The following ADAMTSL2 variants were observed in gnomAD, a reference collection of about 807,000 sequenced individuals.
ADAMTSL2 encodes the protein ADAMTS like 2, also known as ADAMTS-like protein 2.
ADAMTSL2 carries 55 observed loss-of-function variants against 117.0 expected under a neutral mutation model. The ratio of observed to expected loss-of-function variants is 0.47; its 90% CI spans 0.38 to 0.59. The LOEUF (loss-of-function observed/expected upper bound fraction) is 0.59. Among genes scored for constraint, ADAMTSL2 ranks in the 20% least tolerant of loss-of-function variants. The pLI is 0.00. For missense variants in ADAMTSL2, 1,182 were observed against 1,354.5 expected, an observed-to-expected ratio of 0.87 and a Z score of 2.00; for synonymous variants, 572 against 566.4, an observed-to-expected ratio of 1.01 and a Z score of -0.14.
intron 18 of ADAMTSL2, 84 bp downstream of exon 18, chr9:133,574,071 A>T: frequency 1.3e-6 from 2 of 1,502,370 alleles, no homozygotes; most frequent in Non-Finnish European, 1.8e-6. Context: ...GTGAGCAGAC[A>T]TTGCTCACCT....
At chr9:133,540,009 A>AC in intron 5 of ADAMTSL2, 136 bp downstream of exon 5, 1 of 823,932 alleles carries the variant, frequency 1.2e-6, no homozygotes, top group African/African-American at 1.7e-5. Flanking sequence ...CCAGGAATGA[A>AC]CCTGGGTCTC....
chr9:133,536,517 T>C (rs1294011141), intron 1 of ADAMTSL2, 46 bp from the exon 2 acceptor site: 3 of 1,504,316 alleles, frequency 2.0e-6, no homozygotes, highest in Non-Finnish European at 2.7e-6. Context: ...CCAAGCTCCT[T>C]CTTGCTAAGC....
At chr9:133,556,076 G>A (rs988458221) in intron 11 of ADAMTSL2, 146 bp downstream of exon 11, 20 of 1,122,306 alleles carry the variant, frequency 1.8e-5, no homozygotes, top group Admixed American at 2.8e-5. Context: ...CCTTCTTCCC[G>A]GGGTTCTCCA....
At chr9:133,538,312 C>T in intron 3 of ADAMTSL2, 37 bp from the exon 4 acceptor site, 1 of 1,611,358 alleles carries the variant, frequency 6.2e-7, no homozygotes, top group East Asian at 2.2e-5. Flanking sequence ...TGAAACTCCT[C>T]TGCAGCCCTC....
chr9:133,554,524 C>T lies in ADAMTSL2; in HGVS notation c.1107C>T (p.Ser369=), dbSNP rs1242190488. Reference sequence around the variant, plus strand: ...TGGGCTTCGTCCCGCACAACGGCTCCCTCTACGGCCAGGCCTCCTCAGAGC... The same window carrying T: ...TGGGCTTCGTCCCGCACAACGGCTCTCTCTACGGCCAGGCCTCCTCAGAGC... ...GLMGFVPHNG[S]LYGQASSERL... is the part of the protein sequence containing the mutation. The change falls in exon 10 of 19, where the codon TCC becomes TCT. Residue 369 remains serine, a synonymous_variant. Coordinates refer to ENST00000651351, the MANE Select transcript of ADAMTSL2 (RefSeq NM_014694.4). This position sits in a 1 kb window ranked among gnomAD's most constrained non-coding sequence, Gnocchi z 5.2. 2 of 1,549,644 alleles carry T rather than the reference C, an allele frequency of 1.3e-6. No homozygotes were observed. Among genetic ancestry groups the T allele is most frequent in the Non-Finnish European group, 1.7e-6 (2 of 1,147,198 alleles).
At position 133,534,875 on chromosome 9, in the gene ADAMTSL2, T is replaced by C; in HGVS notation, c.-193T>C. ...TGGCGCCGTCTGCCCTCCGCAGCGC[T>C]CGCCCCTTTCTCTGGGAGGACAACC... On this transcript the variant is annotated 5_prime_UTR_variant, in exon 1 of 19. Transcript: ENST00000651351. 6.8e-7 allele frequency: 1 copy of C among 1,469,664 alleles called. No homozygotes were observed. Among genetic ancestry groups the C allele is most frequent in the Non-Finnish European group, 9.0e-7 (1 of 1,105,008 alleles). 91.0% of individuals were successfully genotyped at this position (1,469,664 alleles called of 1,614,324 possible).
chr9:133,570,161 TG>T (rs779724884), intron 16 of ADAMTSL2, among the ~76,000 whole-genome samples, 169 bp from the exon 17 acceptor site: 1 of 152,258 alleles, frequency 6.6e-6, no homozygotes, highest in Non-Finnish European at 1.5e-5. Context: ...CAAATCCATC[TG>T]GGGCCAAATG....
intron 12 of ADAMTSL2, among the ~76,000 whole-genome samples, chr9:133,565,519 C>T (rs1443349641): frequency 6.6e-6 from 1 of 152,200 alleles, no homozygotes; most frequent in African/African-American, 2.4e-5. Context: ...CAGACCTGGC[C>T]GGGAAGCCAG....
intron 7 of ADAMTSL2, among the ~76,000 whole-genome samples, chr9:133,543,539 C>T (rs1318164696): frequency 6.6e-6 from 1 of 152,170 alleles, no homozygotes. Flanking sequence ...TTCCAGAGCA[C>T]GGCTGTCTGT....
intron 13 of ADAMTSL2, among the ~76,000 whole-genome samples, chr9:133,568,035 C>T (rs745391202): frequency 0.013 from 2,029 of 152,350 alleles, 170 homozygotes; most frequent in Admixed American, 0.12. Flanking sequence ...GCCGAGCCCA[C>T]GCTCAGGGCA....
rs1273675920 is a variant in ADAMTSL2 at position 133,554,299 on chromosome 9, G to T, written c.940-58G>T. ...CTGCAGCTCTGTGGGAAGGGGATTG[G>T]TGGGGAAGGGGCTGGACAGAGTAAG... On this transcript the variant is annotated intron_variant, in intron 9 of 18. Transcript: ENST00000651351. This position sits in a 1 kb window ranked among gnomAD's most constrained non-coding sequence, Gnocchi z 5.2. 6.9e-7 allele frequency: 1 copy of T among 1,445,318 alleles called. No individual in the cohort carries two copies. The highest frequency in any genetic ancestry group is 9.3e-7 in the Non-Finnish European group (1 of 1,072,778). 89.5% of individuals were successfully genotyped at this position (1,445,318 alleles called of 1,614,324 possible).
chr9:133,539,660 T>TCCCGGCTGTCCCGGCTGC, intron 4 of ADAMTSL2, 111 bp from the exon 5 acceptor site: 1 of 1,043,220 alleles, frequency 9.6e-7, no homozygotes, highest in Non-Finnish European at 1.4e-6. Flanking sequence ...CGCACGGCTG[T>TCCCGGCTGTCCCGGCTGC]CCCGGCTGTC....
At chr9:133,533,135 A>G (rs114520483), upstream of ADAMTSL2, among the ~76,000 whole-genome samples, 1,357 of 150,388 alleles carry the variant, frequency 9.0e-3, 26 homozygotes, top group African/African-American at 0.031. Context: ...TAATCCGGTC[A>G]TGTGAGAGGG....
chr9:133,562,687 G>A (rs185656911), intron 12 of ADAMTSL2, among the ~76,000 whole-genome samples: 32 of 131,828 alleles, frequency 2.4e-4, no homozygotes, highest in East Asian at 8.4e-4. Context: ...TCGCACCGCC[G>A]TGGGCGGCGT....
In ADAMTSL2 at chr9:133,558,048, A is replaced by G. The variant is rs1407477530; in HGVS notation, c.1649+2118A>G. ...TCATGGCACAAGCTTACGGATCCTC[A>G]AGCCGCTTTGTAAAGAGTCTCTCCT... On this transcript the variant is annotated intron_variant, in intron 11 of 18. Transcript: ENST00000651351. This position sits in a 1 kb window ranked among gnomAD's most constrained non-coding sequence, Gnocchi z 4.3. Among the ~76,000 whole-genome samples the G allele has an allele frequency of 2.6e-5, 4 of 152,070 alleles. No individual in the cohort carries two copies. Among genetic ancestry groups the G allele is most frequent in the Admixed American group, 2.0e-4 (3 of 15,276 alleles).
intron 13 of ADAMTSL2, 47 bp from the exon 14 acceptor site, chr9:133,568,226 C>T (rs915728578): frequency 1.2e-5 from 18 of 1,533,720 alleles, no homozygotes; most frequent in Admixed American, 7.8e-5. Context: ...CATGGGGTCC[C>T]GGCTGCCATG....
upstream of ADAMTSL2, chr9:133,534,595 T>C (rs1443612520): frequency 3.3e-6 from 4 of 1,219,800 alleles, no homozygotes; most frequent in African/African-American, 3.2e-5. Context: ...CGGGTTAAAG[T>C]GTGCGCCAGG....
chr9:133,565,749 A>G (rs937428246), intron 12 of ADAMTSL2, among the ~76,000 whole-genome samples: 2 of 152,088 alleles, frequency 1.3e-5, no homozygotes, highest in East Asian at 3.9e-4. Flanking sequence ...GATATGGGGA[A>G]ACCGATTTCC....
rs1831053820 is a variant in ADAMTSL2, at chr9:133,569,438, A to G, written c.2275A>G (p.Ile759Val). The G allele has an allele frequency of 1.2e-6, 2 of 1,613,552 alleles. No individual in the cohort carries two copies. Among genetic ancestry groups the G allele is most frequent in the Non-Finnish European group, 1.7e-6 (2 of 1,180,022 alleles). Residue 759 changes from isoleucine to valine, a missense_variant, in exon 16 of 19, where the codon ATC (isoleucine) becomes GTC (valine). Around this residue, in one of 3 missense-constraint regions of ADAMTSL2, gnomAD observed 465 missense variants for 565.3 expected, o/e 0.82. Coordinates refer to ENST00000651351, the MANE Select transcript of ADAMTSL2 (RefSeq NM_014694.4). ...CSGSCGQGRTIRHVYCKTSDG... is the reference protein window; with the variant it reads ...CSGSCGQGRTVRHVYCKTSDG... ...TGGAAGCTGCGGGCAAGGCCGCACCATCAGGCACGTGTACTGCAAGACCAG... is the reference window on the plus strand; with the variant it reads ...TGGAAGCTGCGGGCAAGGCCGCACCGTCAGGCACGTGTACTGCAAGACCAG...
Sources: gnomAD v4.1 joint callset for allele counts (sites outside exome capture counted in the v4.1 genomes callset) on GRCh38, gnomAD v4.1.1 for gene constraint, gnomAD v4.1.1 regional missense constraint, Gnocchi (gnomAD v3.1) non-coding constraint, MANE v1.5 for transcripts, NCBI Gene and HGNC (gene_info 2026-07-23, HGNC 2026-07-21) for gene names.